The following LOC128092252 variants were observed in gnomAD, a reference collection of about 807,000 sequenced individuals.
At chr15:50,649,163 C>A in the LOC128092252 span, among the ~76,000 whole-genome samples, 19 of 152,092 alleles carry the variant, frequency 1.2e-4, no homozygotes, top group African/African-American at 4.6e-4. Context: ...GTATTTACAC[C>A]GGCTGTGGCT....
chr15:50,678,934 C>T, the LOC128092252 span, among the ~76,000 whole-genome samples: 2 of 152,164 alleles, frequency 1.3e-5, no homozygotes, highest in African/African-American at 4.8e-5. Flanking sequence ...AGTGCAATGG[C>T]GTGATCTCAG....
the LOC128092252 span, among the ~76,000 whole-genome samples, chr15:50,678,557 T>C: frequency 8.8e-5 from 13 of 148,170 alleles, no homozygotes; most frequent in East Asian, 4.0e-4. Context: ...CACACACACA[T>C]ATACATAATT....
the LOC128092252 span, among the ~76,000 whole-genome samples, chr15:50,670,682 T>C: frequency 6.6e-6 from 1 of 151,818 alleles, no homozygotes; most frequent in Non-Finnish European, 1.5e-5. Flanking sequence ...TAGCATATAA[T>C]CAGGAAATAA....
At chr15:50,663,125 A>C in the LOC128092252 span, 1 of 1,131,198 alleles carries the variant, frequency 8.8e-7, no homozygotes, top group Non-Finnish European at 1.3e-6. Context: ...ATAAACACAT[A>C]AACAGTTCTT....
the LOC128092252 span, among the ~76,000 whole-genome samples, chr15:50,682,835 T>C: frequency 6.6e-6 from 1 of 152,012 alleles, no homozygotes; most frequent in Non-Finnish European, 1.5e-5. Context: ...AAAATCCCCA[T>C]AGTCAAGTAA....
chr15:50,680,524 G>A, the LOC128092252 span, among the ~76,000 whole-genome samples: 659 of 150,558 alleles, frequency 4.4e-3, 2 homozygotes, highest in Non-Finnish European at 8.4e-3. Flanking sequence ...AGCCAAGATC[G>A]CACCACTGAA....
At chr15:50,648,839 T>G in the LOC128092252 span, 1 of 1,612,626 alleles carries the variant, frequency 6.2e-7, no homozygotes, top group Non-Finnish European at 8.5e-7. Flanking sequence ...ATGGCAAGAC[T>G]TGCAGTAAAA....
the LOC128092252 span, among the ~76,000 whole-genome samples, chr15:50,653,566 G>A: frequency 6.6e-6 from 1 of 152,252 alleles, no homozygotes; most frequent in Admixed American, 6.5e-5. Flanking sequence ...CTTGAAATGA[G>A]GGAAACACAT....
the LOC128092252 span, among the ~76,000 whole-genome samples, chr15:50,683,236 A>T: frequency 6.6e-6 from 1 of 151,168 alleles, no homozygotes; most frequent in African/African-American, 2.4e-5. Flanking sequence ...AGTCACTTAA[A>T]AAAAAAAAAC....
chr15:50,684,224 C>T, the LOC128092252 span, among the ~76,000 whole-genome samples: 8 of 151,832 alleles, frequency 5.3e-5, 1 homozygote, highest in African/African-American at 1.9e-4. Context: ...AGGATCTCCG[C>T]TTACTGCAAC....
At chr15:50,684,112 G>A in the LOC128092252 span, among the ~76,000 whole-genome samples, 39 of 151,232 alleles carry the variant, frequency 2.6e-4, no homozygotes, top group East Asian at 1.4e-3. Context: ...GCCTGTCGCC[G>A]CCTCCCAAAG....
At chr15:50,651,694 T>G in the LOC128092252 span, among the ~76,000 whole-genome samples, 2 of 151,798 alleles carry the variant, frequency 1.3e-5, no homozygotes, top group African/African-American at 2.4e-5. Flanking sequence ...ATGAGCATGA[T>G]GAAGACCAAC....
chr15:50,677,957 T>C, the LOC128092252 span, among the ~76,000 whole-genome samples: 1 of 150,390 alleles, frequency 6.6e-6, no homozygotes. Context: ...ACCTAGAAAT[T>C]GGCTGGGCGC....
the LOC128092252 span, among the ~76,000 whole-genome samples, chr15:50,682,696 G>C: frequency 1.3e-5 from 2 of 152,068 alleles, no homozygotes; most frequent in African/African-American, 2.4e-5. Flanking sequence ...TTTGTATAAA[G>C]TACAAGAGGT....
chr15:50,681,282 CACACACACACAA>C, the LOC128092252 span, among the ~76,000 whole-genome samples: 1 of 151,748 alleles, frequency 6.6e-6, no homozygotes, highest in Admixed American at 6.6e-5. Context: ...CACACACACA[CACACACACACAA>C]AGCATTCAGA....
At chr15:50,658,100 G>A in the LOC128092252 span, among the ~76,000 whole-genome samples, 10 of 151,636 alleles carry the variant, frequency 6.6e-5, no homozygotes, top group African/African-American at 2.2e-4. Context: ...CGCCTCCCGG[G>A]TTCACACCAC....
chr15:50,666,474 GGAA>G, the LOC128092252 span, among the ~76,000 whole-genome samples: 4 of 151,138 alleles, frequency 2.6e-5, no homozygotes, highest in African/African-American at 7.3e-5. Flanking sequence ...AGGAGGAAGA[GGAA>G]GAAGAGGAAG....
At chr15:50,653,706 G>A in the LOC128092252 span, among the ~76,000 whole-genome samples, 4,389 of 152,208 alleles carry the variant, frequency 0.029, 99 homozygotes, top group Non-Finnish European at 0.044. Flanking sequence ...TGTTGAAACA[G>A]TTGGAATTTG....
chr15:50,651,214 A>C, the LOC128092252 span, among the ~76,000 whole-genome samples: 1 of 151,622 alleles, frequency 6.6e-6, no homozygotes, highest in Non-Finnish European at 1.5e-5. Flanking sequence ...AAAATTTCAA[A>C]GAATACTGAG....
Sources: gnomAD v4.1 joint callset for allele counts (sites outside exome capture counted in the v4.1 genomes callset) on GRCh38, gnomAD v4.1.1 for gene constraint, MANE v1.5 for transcripts.